Variants in TENM2 observed in about 807,000 individuals in gnomAD.
TENM2 encodes teneurin-2.
TENM2 carries 52 observed loss-of-function variants against 245.2 expected under a neutral mutation model. The observed-to-expected ratio is 0.21, with a 90% CI of 0.17 to 0.27. The LOEUF is 0.27. Ranked by LOEUF, TENM2 falls within the 10% of genes least tolerant of loss-of-function variation. The pLI is 1.00. For missense variants in TENM2, 3,046 were observed against 3,666.8 expected, an observed-to-expected ratio of 0.83 and a Z score of 4.37; for synonymous variants, 1,363 against 1,438.9, an observed-to-expected ratio of 0.95 and a Z score of 1.19.
At chr5:168,098,082 G>A (rs370631553) in exon 9 of TENM2, 12 of 1,613,632 alleles carry the variant, frequency 7.4e-6, no homozygotes, top group East Asian at 4.5e-5. Flanking sequence ...TGTGTCCGGG[G>A]TGTGTCACTG....
chr5:168,106,403 C>G (rs905068078), intron 9 of TENM2, among the ~76,000 whole-genome samples: 1 of 152,150 alleles, frequency 6.6e-6, no homozygotes, highest in Non-Finnish European at 1.5e-5. Flanking sequence ...CTATATACGC[C>G]AACCACCGTG....
chr5:166,979,113 T>C, the TENM2 span, among the ~76,000 whole-genome samples: 1 of 151,830 alleles, frequency 6.6e-6, no homozygotes, highest in African/African-American at 2.4e-5. Flanking sequence ...TGCACATTGG[T>C]CCTGGGTGGC....
the TENM2 span, among the ~76,000 whole-genome samples, chr5:167,080,504 C>A: frequency 2.0e-5 from 3 of 152,138 alleles, no homozygotes; most frequent in African/African-American, 7.2e-5. Flanking sequence ...CACTCCTTCA[C>A]CTTGGCACTG....
At chr5:168,023,887 C>T (rs1218474735) in intron 5 of TENM2, among the ~76,000 whole-genome samples, 1 of 152,102 alleles carries the variant, frequency 6.6e-6, no homozygotes, top group Non-Finnish European at 1.5e-5. Context: ...TCTCACTTTC[C>T]TCTAAGTCTC....
intron 6 of TENM2, among the ~76,000 whole-genome samples, chr5:168,058,033 C>G (rs1789707475): frequency 6.6e-6 from 1 of 152,150 alleles, no homozygotes; most frequent in South Asian, 2.1e-4. Context: ...TGGCTCCCAG[C>G]CAAGCACAAG....
At chr5:167,752,346 T>G (rs557981069) in intron 2 of TENM2, among the ~76,000 whole-genome samples, 5 of 147,344 alleles carry the variant, frequency 3.4e-5, no homozygotes, top group South Asian at 2.2e-4. Flanking sequence ...ACTCCTGACC[T>G]CAGGTGATCT....
At chr5:168,253,607 A>G (rs1199620522) in intron 27 of TENM2, among the ~76,000 whole-genome samples, 1 of 151,548 alleles carries the variant, frequency 6.6e-6, no homozygotes, top group African/African-American at 2.4e-5. Flanking sequence ...TTGTATTTTT[A>G]GTAGAGACGG....
chr5:167,640,903 A>ATATATATATC (rs1779564521), intron 2 of TENM2, among the ~76,000 whole-genome samples: 1 of 95,548 alleles, frequency 1.0e-5, no homozygotes, highest in Non-Finnish European at 2.1e-5. Context: ...ATATATATAT[A>ATATATATATC]TATCTTTCTC....
intron 3 of TENM2, among the ~76,000 whole-genome samples, chr5:167,948,483 A>T (rs1779818533): frequency 6.6e-6 from 1 of 152,226 alleles, no homozygotes; most frequent in Non-Finnish European, 1.5e-5. Context: ...TATCATTTCC[A>T]GGCACCTTAC....
intron 13 of TENM2, among the ~76,000 whole-genome samples, chr5:168,166,913 T>G (rs1018202382): frequency 6.6e-6 from 1 of 152,056 alleles, no homozygotes; most frequent in African/African-American, 2.4e-5. Context: ...CCCTTGGCTT[T>G]CAAAGTCTCC....
At chr5:167,689,053 A>G (rs1039703271) in intron 2 of TENM2, among the ~76,000 whole-genome samples, 4 of 152,202 alleles carry the variant, frequency 2.6e-5, no homozygotes, top group Admixed American at 1.3e-4. Context: ...GAACTTCCGG[A>G]AAAACGTTGT....
chr5:167,804,738 A>C (rs1169545552), intron 2 of TENM2, among the ~76,000 whole-genome samples: 4 of 152,154 alleles, frequency 2.6e-5, no homozygotes, highest in Non-Finnish European at 5.9e-5. Flanking sequence ...ATCTCTAAAC[A>C]AATGAATCAC....
intron 2 of TENM2, among the ~76,000 whole-genome samples, chr5:167,535,208 G>A (rs184747305): frequency 2.4e-4 from 36 of 151,876 alleles, no homozygotes; most frequent in Admixed American, 1.4e-3. Context: ...CTGCTTATAC[G>A]ACACTCTAGC....
chr5:167,712,126 C>T (rs575394900), intron 2 of TENM2, among the ~76,000 whole-genome samples: 18 of 150,822 alleles, frequency 1.2e-4, no homozygotes, highest in South Asian at 1.1e-3. Context: ...CTCCAATCAA[C>T]TCGATCTTAA....
At chr5:167,773,047 C>T (rs920991041) in intron 2 of TENM2, among the ~76,000 whole-genome samples, 7 of 152,160 alleles carry the variant, frequency 4.6e-5, no homozygotes, top group African/African-American at 1.7e-4. Context: ...ATTCTCACTG[C>T]TCACCAAGCA....
At chr5:168,231,260 GA>G (rs1366903848) in intron 25 of TENM2, among the ~76,000 whole-genome samples, 1 of 152,232 alleles carries the variant, frequency 6.6e-6, no homozygotes, top group African/African-American at 2.4e-5. Flanking sequence ...GTAGCAGAGT[GA>G]TCAGGTCTCC....
At chr5:167,390,357 A>G (rs1384218482) in intron 2 of TENM2, among the ~76,000 whole-genome samples, 1 of 152,194 alleles carries the variant, frequency 6.6e-6, no homozygotes, top group East Asian at 1.9e-4. Flanking sequence ...AACCAAGGAT[A>G]GAATTGCATT....
chr5:167,106,607 A>C, the TENM2 span, among the ~76,000 whole-genome samples: 96 of 152,328 alleles, frequency 6.3e-4, no homozygotes, highest in African/African-American at 2.3e-3. Context: ...GACATGACTC[A>C]ACTTCTATTT....
intron 20 of TENM2, among the ~76,000 whole-genome samples, chr5:168,212,443 TG>T (rs1252919154): frequency 6.6e-6 from 1 of 152,218 alleles, no homozygotes; most frequent in African/African-American, 2.4e-5. Flanking sequence ...ATGAAGATAG[TG>T]TGAGCTTTCT....
Sources: allele counts gnomAD v4.1 joint callset (sites outside exome capture counted in the v4.1 genomes callset), GRCh38; gene constraint gnomAD v4.1.1; transcripts MANE v1.5; gene names NCBI Gene and HGNC (gene_info 2026-07-23, HGNC 2026-07-21).